Variants in PCDHA3 observed in about 807,000 individuals in gnomAD.
PCDHA3 encodes the protein protocadherin alpha-3.
Under a neutral mutation model 62.2 loss-of-function variants are expected in PCDHA3, and 41 were observed. The ratio of observed to expected loss-of-function variants is 0.66; its 90% confidence interval spans 0.51 to 0.86. The LOEUF (loss-of-function observed/expected upper bound fraction) is 0.86, where lower values mean the gene tolerates loss of function less well. Ranked by LOEUF, PCDHA3 falls within the 40% of genes least tolerant of loss-of-function variation. PCDHA3 has a pLI of 0.00. For synonymous variants in PCDHA3, 640 were observed against 555.4 expected, an observed-to-expected ratio of 1.15 and a Z score of -2.14; for missense variants, 1,304 against 1,241.2, an observed-to-expected ratio of 1.05 and a Z score of -0.76.
At chr5:140,919,945 A>G (rs1456572905) in intron 1 of PCDHA3, among the ~76,000 whole-genome samples, 1 of 151,572 alleles carries the variant, frequency 6.6e-6, no homozygotes, top group Non-Finnish European at 1.5e-5. Flanking sequence ...ATTCCAGTGA[A>G]AAGTTTGTTT....
At chr5:140,824,558 C>T in intron 1 of PCDHA3, 1 of 175,812 alleles carries the variant, frequency 5.7e-6, no homozygotes, top group Non-Finnish European at 1.2e-5. Context: ...CTCAAGTGAT[C>T]CTCCTATCTC....
At chr5:140,839,602 C>T (rs1330709699) in intron 1 of PCDHA3, among the ~76,000 whole-genome samples, 1 of 151,960 alleles carries the variant, frequency 6.6e-6, no homozygotes. Context: ...GTTGCCCAGG[C>T]TGGTCTCAAA....
intron 1 of PCDHA3, chr5:140,856,575 A>G (rs2150361259): frequency 6.3e-7 from 1 of 1,597,272 alleles, no homozygotes; most frequent in African/African-American, 1.3e-5. Flanking sequence ...CCAAATGAGT[A>G]TTTTGTTCTT....
intron 1 of PCDHA3, chr5:140,835,638 T>A: frequency 6.2e-7 from 1 of 1,613,926 alleles, no homozygotes. Flanking sequence ...CGAGAGTGTG[T>A]CCGCCTATGA....
chr5:140,822,228 T>G, intron 1 of PCDHA3: 2 of 1,614,254 alleles, frequency 1.2e-6, no homozygotes, highest in Non-Finnish European at 8.5e-7. Flanking sequence ...ATTCGCGGTT[T>G]CCGCTAGAGG....
intron 1 of PCDHA3, among the ~76,000 whole-genome samples, chr5:140,844,789 C>A (rs2150373812): frequency 6.7e-6 from 1 of 149,202 alleles, no homozygotes; most frequent in African/African-American, 2.4e-5. Flanking sequence ...TGGTATCTTT[C>A]AACATTTTCT....
At chr5:140,877,273 T>C (rs1324679559) in intron 1 of PCDHA3, 2 of 1,613,722 alleles carry the variant, frequency 1.2e-6, no homozygotes, top group Non-Finnish European at 1.7e-6. Context: ...GGACGCTGAC[T>C]CCGGCTATAA....
chr5:140,957,468 T>C (rs1318789577), intron 1 of PCDHA3, among the ~76,000 whole-genome samples: 2 of 152,166 alleles, frequency 1.3e-5, no homozygotes, highest in African/African-American at 4.8e-5. Context: ...GGTATGTATG[T>C]ATAGGAAAAA....
intron 1 of PCDHA3, among the ~76,000 whole-genome samples, chr5:140,819,477 A>G (rs1335807902): frequency 6.6e-6 from 1 of 152,148 alleles, no homozygotes; most frequent in Non-Finnish European, 1.5e-5. Context: ...TTACACAATG[A>G]TGCTTAAACA....
At position 140,877,676 on chromosome 5, in the gene PCDHA3, G is replaced by A. The variant is rs781985023; in HGVS notation, c.2394+74085G>A. ...CCCACCGTGAGCCGGTGCGCGCCGG[G>A]CAAGCCCACGCTGGTGTGCTCCAGC... On this transcript the variant is annotated intron_variant, in intron 1 of 3. Coordinates refer to ENST00000522353, the MANE Select transcript of PCDHA3 (RefSeq NM_018906.3). The A allele has an allele frequency of 8.7e-6, 14 of 1,613,488 alleles. No homozygotes were observed. The African/African-American group carries it at 1.2e-4, about 14-fold the overall frequency.
rs114483996 is a variant in PCDHA3, at chr5:140,825,464, C to A, written c.2394+21873C>A. The stretch of plus-strand genomic sequence containing the variant: ...ATAATATATATCAGATATTTTGATA[C>A]AGAATTTTGCTCTTGTTGCCCAAAC... On this transcript the variant is annotated intron_variant, in intron 1 of 3. Coordinates refer to ENST00000522353, the MANE Select transcript of PCDHA3 (RefSeq NM_018906.3). 1.4e-3 allele frequency: 215 copies of A among 148,416 alleles called. 1 individual carries two copies. Among genetic ancestry groups the A allele is most frequent in the African/African-American group, 5.0e-3 (201 of 40,520 alleles). The allele number at this position is 148,416 out of a possible 1,614,324, so 9.2% of individuals were successfully genotyped here.
At chr5:140,808,332 A>G in intron 1 of PCDHA3, 1 of 1,614,248 alleles carries the variant, frequency 6.2e-7, no homozygotes, top group Non-Finnish European at 8.5e-7. Context: ...ATGGGTGTCA[A>G]TGGGCTGGTC....
At position 140,928,790 on chromosome 5, in the gene PCDHA3, G is replaced by T. The variant is rs370207805; in HGVS notation, c.2395-50159G>T. The T allele has an allele frequency of 9.3e-6, 15 of 1,614,058 alleles. No homozygotes were observed. Among genetic ancestry groups the T allele is most frequent in the Non-Finnish European group, 1.2e-5 (14 of 1,180,044 alleles). On this transcript the variant is annotated intron_variant, in intron 1 of 3. Coordinates refer to ENST00000522353, the MANE Select transcript of PCDHA3 (RefSeq NM_018906.3). The stretch of plus-strand genomic sequence containing the variant: ...CTTCCCACTGATGCAGTTAAGCAGA[G>T]GGTGGTGGTAGTGGTTCGGGACCAT...
intron 1 of PCDHA3, chr5:140,870,708 C>A (rs781841032): frequency 1.9e-6 from 3 of 1,613,016 alleles, no homozygotes; most frequent in East Asian, 4.5e-5. Context: ...TCCAGGTGAG[C>A]GCGCGCGATG....
chr5:140,807,232 G>GCTCTTAC, intron 1 of PCDHA3: 2 of 1,614,220 alleles, frequency 1.2e-6, no homozygotes, highest in Non-Finnish European at 8.5e-7. Context: ...GGCGTCTGCT[G>GCTCTTAC]CTCTTACTTC....
chr5:140,899,534 T>A (rs2067388979), intron 1 of PCDHA3, among the ~76,000 whole-genome samples: 1 of 152,234 alleles, frequency 6.6e-6, no homozygotes, highest in Non-Finnish European at 1.5e-5. Context: ...TGAAGCCCAC[T>A]TGATCATGGT....
chr5:140,843,112 G>T lies in PCDHA3; in HGVS notation c.2394+39521G>T, dbSNP rs1581030644. 3.1e-6 allele frequency: 5 copies of T among 1,595,864 alleles called. 1 individual carries two copies. The highest frequency in any genetic ancestry group is 1.7e-4 in the Middle Eastern group (1 of 5,904). On this transcript the variant is annotated intron_variant, in intron 1 of 3. Coordinates refer to ENST00000522353, the MANE Select transcript of PCDHA3 (RefSeq NM_018906.3). Reference sequence around the variant, plus strand: ...ACGTGGTAGCGAAGGTGCGCGCAGTGGACGCCGACTCGGGCTACAACGCGT... The same window carrying T: ...ACGTGGTAGCGAAGGTGCGCGCAGTTGACGCCGACTCGGGCTACAACGCGT...
chr5:140,825,780 A>C (rs1409625952), intron 1 of PCDHA3: 3 of 152,454 alleles, frequency 2.0e-5, no homozygotes, highest in African/African-American at 7.2e-5. Context: ...AAATTCTACT[A>C]TATTTTGGTT....
intron 1 of PCDHA3, chr5:140,856,830 T>C (rs1554149191): frequency 2.5e-6 from 4 of 1,592,726 alleles, no homozygotes; most frequent in Non-Finnish European, 3.4e-6. Context: ...ACATTAGTAA[T>C]ACGGCTCAAC....
Sources: gnomAD v4.1 joint callset for allele counts (sites outside exome capture counted in the v4.1 genomes callset) on GRCh38, gnomAD v4.1.1 for gene constraint, MANE v1.5 for transcripts, NCBI Gene and HGNC (gene_info 2026-07-23, HGNC 2026-07-21) for gene names.